Variants in TAFA2 observed in about 807,000 individuals in gnomAD.
TAFA2 encodes the protein TAFA chemokine like family member 2, also known as chemokine-like protein TAFA-2.
In TAFA2, 7 loss-of-function variants were observed where a neutral mutation model predicts 18.8. That is an observed-to-expected ratio of 0.37 (90% CI 0.21 to 0.70). The LOEUF is 0.70. Among genes scored for constraint, TAFA2 ranks in the 30% least tolerant of loss-of-function variants. The pLI, the probability that TAFA2 is intolerant of heterozygous loss-of-function variation, is 0.53. For missense variants in TAFA2, 122 were observed against 158.1 expected, an observed-to-expected ratio of 0.77 and a Z score of 1.23; for synonymous variants, 60 against 54.2, an observed-to-expected ratio of 1.11 and a Z score of -0.47.
intron 1 of TAFA2, among the ~76,000 whole-genome samples, chr12:62,091,399 T>C (rs550917425): frequency 6.6e-6 from 1 of 152,098 alleles, no homozygotes; most frequent in South Asian, 2.1e-4. Context: ...TAAAAATGAA[T>C]ATTTGCTTCC....
chr12:62,034,170 T>A (rs1881538044), intron 1 of TAFA2, among the ~76,000 whole-genome samples: 1 of 152,168 alleles, frequency 6.6e-6, no homozygotes, highest in African/African-American at 2.4e-5. Flanking sequence ...TTGATGCCTT[T>A]TAACTCCAGG....
intron 1 of TAFA2, among the ~76,000 whole-genome samples, chr12:62,016,744 CCAGT>C (rs1236749503): frequency 1.3e-5 from 2 of 152,184 alleles, no homozygotes; most frequent in African/African-American, 2.4e-5. Context: ...CACCGCCAAG[CCAGT>C]CAAACTGTCA....
chr12:62,153,940 T>TGTTAC (rs1162198008), intron 1 of TAFA2, among the ~76,000 whole-genome samples: 9 of 149,652 alleles, frequency 6.0e-5, no homozygotes, highest in African/African-American at 2.2e-4. Flanking sequence ...TGTTATGTTA[T>TGTTAC]GTTATGTTAT....
At chr12:62,175,393 C>G (rs1301006351) in intron 1 of TAFA2, among the ~76,000 whole-genome samples, 1 of 152,080 alleles carries the variant, frequency 6.6e-6, no homozygotes, top group Non-Finnish European at 1.5e-5. Flanking sequence ...ACTCCAAGGT[C>G]TTTTTCTAGT....
chr12:61,950,956 G>A (rs553951587), intron 1 of TAFA2, among the ~76,000 whole-genome samples: 1 of 152,270 alleles, frequency 6.6e-6, no homozygotes, highest in South Asian at 2.1e-4. Flanking sequence ...GAAAGGTAGA[G>A]TCTTCTTTGG....
chr12:61,738,330 A>AC lies in TAFA2; in HGVS notation c.384+15291_384+15292insG, dbSNP rs1565756844. Among the ~76,000 whole-genome samples the AC allele has an allele frequency of 7.5e-3, 282 of 37,364 alleles. 1 individual carries two copies. The highest frequency in any genetic ancestry group is 0.016 in the African/African-American group (269 of 16,306). The allele number at this position is 37,364 out of a possible 152,430, so 24.5% of individuals were successfully genotyped here. A position where few individuals can be genotyped will look rare whatever the true frequency, so the allele number is the denominator to read the frequency against. On this transcript the variant is annotated intron_variant, in intron 4 of 4. Coordinates refer to ENST00000416284, the MANE Select transcript of TAFA2 (RefSeq NM_178539.5). ...ACACACACACACACACACACACACA[A>AC]ACCTAGCTCATAAACCCAGGCTAAT... is the stretch of plus-strand genomic sequence containing the variant.
intron 1 of TAFA2, among the ~76,000 whole-genome samples, chr12:61,937,252 G>A (rs1329752040): frequency 6.6e-6 from 1 of 152,030 alleles, no homozygotes; most frequent in Admixed American, 6.6e-5. Flanking sequence ...CAGATTCTAA[G>A]TGCAATTCCT....
intron 1 of TAFA2, among the ~76,000 whole-genome samples, chr12:62,110,050 A>G (rs1253574829): frequency 6.7e-6 from 1 of 149,364 alleles, no homozygotes; most frequent in Non-Finnish European, 1.5e-5. Context: ...CATCCTTGTC[A>G]TGTTTTCGTT....
At chr12:61,789,003 TTG>T (rs1208361273) in intron 2 of TAFA2, among the ~76,000 whole-genome samples, 1 of 151,894 alleles carries the variant, frequency 6.6e-6, no homozygotes, top group African/African-American at 2.4e-5. Flanking sequence ...CATTTTTTTC[TTG>T]TAAACTTGTT....
chr12:62,139,007 T>A (rs1008388314), intron 1 of TAFA2, among the ~76,000 whole-genome samples: 1 of 152,058 alleles, frequency 6.6e-6, no homozygotes, highest in East Asian at 1.9e-4. Context: ...ATGGAGTAAT[T>A]AGATATATAA....
chr12:62,195,352 C>T (rs59390299), upstream of TAFA2, among the ~76,000 whole-genome samples: 1,535 of 152,286 alleles, frequency 0.01, 21 homozygotes, highest in African/African-American at 0.03. Context: ...AACTACTTTG[C>T]TCATCCACAG....
intron 1 of TAFA2, among the ~76,000 whole-genome samples, chr12:62,025,947 T>A (rs1307732579): frequency 6.6e-6 from 1 of 152,098 alleles, no homozygotes; most frequent in Non-Finnish European, 1.5e-5. Context: ...CGAAATTAAC[T>A]GGTAATACAC....
Position 61,919,964 on chromosome 12 carries a change from G to A in TAFA2, c.-1-52538C>T, listed in dbSNP as rs570513553. 5.3e-5 allele frequency among the ~76,000 whole-genome samples: 8 copies of A among 152,136 alleles called. No homozygotes were observed. The East Asian group carries it at 1.4e-3, about 26-fold the overall frequency. On this transcript the variant is annotated intron_variant, in intron 1 of 4. Transcript: ENST00000416284. ...ATTTTTCACTTCACTTTCTTGATGTGAAGCTAAAATTTCTCAGTCTCATTA... is the reference window on the plus strand; with the variant it reads ...ATTTTTCACTTCACTTTCTTGATGTAAAGCTAAAATTTCTCAGTCTCATTA...
chr12:61,852,436 C>A (rs1419931907), intron 2 of TAFA2, among the ~76,000 whole-genome samples: 1 of 152,044 alleles, frequency 6.6e-6, no homozygotes, highest in African/African-American at 2.4e-5. Context: ...GCTTTCTGAA[C>A]CTTCAGAATT....
At chr12:61,853,191 A>C (rs1302071827) in intron 2 of TAFA2, among the ~76,000 whole-genome samples, 2 of 152,200 alleles carry the variant, frequency 1.3e-5, no homozygotes. Context: ...TCAGTCATAC[A>C]TTAAGAAATC....
At position 62,222,673 on chromosome 12, in the gene TAFA2, A is replaced by ATTTTT. The variant is rs767010579; in HGVS notation, c.-130+36085_-130+36089dup. The stretch of plus-strand genomic sequence containing the variant: ...AGGTGCCCGCCACCACGCCCAGCTA[A>ATTTTT]TTTTTTTTTTTTTTTTATTTTTAGT... On this transcript the variant is annotated intron_variant, in intron 1 of 5. Transcript: ENST00000551619. 4.9e-3 allele frequency among the ~76,000 whole-genome samples: 684 copies of ATTTTT among 140,834 alleles called. 3 individuals carry two copies. The highest frequency in any genetic ancestry group is 0.017 in the African/African-American group (636 of 38,078). The allele number at this position is 140,834 out of a possible 152,430, so 92.4% of individuals were successfully genotyped here.
chr12:61,837,246 ATTTTC>A (rs1011416497), intron 2 of TAFA2, among the ~76,000 whole-genome samples: 6 of 151,816 alleles, frequency 4.0e-5, no homozygotes, highest in African/African-American at 1.5e-4. Context: ...ATTTGTTTTT[ATTTTC>A]TTTTCTTTTA....
intron 1 of TAFA2, among the ~76,000 whole-genome samples, chr12:62,107,905 A>G (rs1869531479): frequency 6.7e-6 from 1 of 149,754 alleles, no homozygotes; most frequent in South Asian, 2.1e-4. Context: ...TATGCTGTAA[A>G]GAGTATTGTC....
intron 1 of TAFA2, chr12:62,021,573 TG>T: frequency 1.2e-6 from 1 of 829,410 alleles, no homozygotes; most frequent in South Asian, 1.3e-5. Flanking sequence ...CCTGTTACGC[TG>T]TGGGGACTGG....
Sources: gnomAD v4.1 joint callset for allele counts (sites outside exome capture counted in the v4.1 genomes callset) on GRCh38, gnomAD v4.1.1 for gene constraint, MANE v1.5 for transcripts, NCBI Gene and HGNC (gene_info 2026-07-23, HGNC 2026-07-21) for gene names.